The following SLC5A9 variants were observed in gnomAD, a reference collection of about 807,000 sequenced individuals.
SLC5A9 encodes solute carrier family 5 member 9.
In SLC5A9, 59 loss-of-function variants were observed where a neutral mutation model predicts 70.9. That is an observed-to-expected ratio of 0.83 (90% confidence interval 0.68 to 1.03). The LOEUF (loss-of-function observed/expected upper bound fraction) is 1.03. Among genes scored for constraint, SLC5A9 ranks in the 50% least tolerant of loss-of-function variants. The probability of loss-of-function intolerance (pLI) is 0.00; values close to 1 mark genes in which losing one functional copy is unlikely to be tolerated. For synonymous variants in SLC5A9, 340 were observed against 346.5 expected, an observed-to-expected ratio of 0.98 and a Z score of 0.21; for missense variants, 832 against 881.1, an observed-to-expected ratio of 0.94 and a Z score of 0.71.
chr1:48,248,165 G>C lies in SLC5A9; in HGVS notation c.*622G>C, dbSNP rs1308164448. On this transcript the variant is annotated 3_prime_UTR_variant, in exon 14 of 14. Coordinates refer to ENST00000438567, the MANE Select transcript of SLC5A9 (RefSeq NM_001011547.3). ...TGGTATTTTGGGCAGAAAGCTCTTA[G>C]ACAATGGACTATCCAAAGCACTATT... is the stretch of plus-strand genomic sequence containing the variant. The C allele has an allele frequency of 2.6e-5, 4 of 156,130 alleles. No individual in the cohort carries two copies. The highest frequency in any genetic ancestry group is 6.2e-5 in the Admixed American group (1 of 16,254). 9.7% of individuals were successfully genotyped at this position (156,130 alleles called of 1,614,324 possible).
At chr1:48,246,886 G>A (rs1569876520) in intron 13 of SLC5A9, among the ~76,000 whole-genome samples, 1 of 152,244 alleles carries the variant, frequency 6.6e-6, no homozygotes, top group Non-Finnish European at 1.5e-5. Context: ...CCTGGAACCA[G>A]GTTTCTGGCT....
At chr1:48,245,077 TTATA>T (rs56697202) in intron 13 of SLC5A9, among the ~76,000 whole-genome samples, 1 of 140,444 alleles carries the variant, frequency 7.1e-6, no homozygotes, top group Non-Finnish European at 1.5e-5. Flanking sequence ...CCTGAGACTT[TTATA>T]TATATATATA....
intron 13 of SLC5A9, among the ~76,000 whole-genome samples, chr1:48,244,459 C>T (rs1327451049): frequency 6.6e-6 from 1 of 151,984 alleles, no homozygotes; most frequent in Non-Finnish European, 1.5e-5. Flanking sequence ...AGCCACTTGC[C>T]TAGAGCTAAT....
chr1:48,226,784 A>C (rs575763474), intron 2 of SLC5A9, among the ~76,000 whole-genome samples: 82 of 152,050 alleles, frequency 5.4e-4, no homozygotes, highest in African/African-American at 1.9e-3. Context: ...TGAGGTTAAA[A>C]ACCCTGGGCT....
Position 48,247,396 on chromosome 1 carries a change from GGAGCAGGCCCT to G in SLC5A9, c.1904_1914del (p.Gln635ProfsTer15). The G allele has an allele frequency of 1.2e-6, 2 of 1,614,016 alleles. No individual in the cohort carries two copies. Among genetic ancestry groups the G allele is most frequent in the Non-Finnish European group, 1.7e-6 (2 of 1,180,008 alleles). On this transcript the variant is annotated frameshift_variant, in exon 14 of 14. Coordinates refer to ENST00000438567, the MANE Select transcript of SLC5A9 (RefSeq NM_001011547.3). LOFTEE classifies it low-confidence loss of function (END_TRUNC). ...GGTTCTGTGGGCTCTCTGGAACACC[GGAGCAGGCCCT>G]GAGCCCAGCAGAGAAGGCTGCGCTA...
intron 5 of SLC5A9, 47 bp downstream of exon 5, chr1:48,230,752 AC>A: frequency 1.4e-6 from 2 of 1,413,594 alleles, no homozygotes; most frequent in Non-Finnish European, 2.0e-6. Context: ...ACTGGCAGAG[AC>A]CCAGAGAGAA....
rs1351945563 is a variant in SLC5A9, at chr1:48,239,954, A to C, written c.1677+417A>C. 6.6e-6 allele frequency among the ~76,000 whole-genome samples: 1 copy of C among 152,202 alleles called. No individual in the cohort carries two copies. Among genetic ancestry groups the C allele is most frequent in the African/African-American group, 2.4e-5 (1 of 41,452 alleles). On this transcript the variant is annotated intron_variant, in intron 12 of 13. Coordinates refer to ENST00000438567, the MANE Select transcript of SLC5A9 (RefSeq NM_001011547.3). This position sits in a 1 kb window ranked among gnomAD's most constrained non-coding sequence, Gnocchi z 4.2. ...CACTGATGAGGACACTTTGAATTAG[A>C]CCCTGAAGAATGAATAGAGAATTTT...
chr1:48,223,183 G>T (rs991420711), intron 1 of SLC5A9, among the ~76,000 whole-genome samples: 9 of 152,008 alleles, frequency 5.9e-5, no homozygotes, highest in Non-Finnish European at 8.8e-5. Flanking sequence ...AACCATCCCT[G>T]GTTGCCCTGA....
chr1:48,231,849 G>A (rs566215874), intron 6 of SLC5A9, 97 bp from the exon 7 acceptor site: 1 of 1,576,080 alleles, frequency 6.3e-7, no homozygotes, highest in African/African-American at 1.3e-5. Flanking sequence ...CCCCATGCCA[G>A]TTCCAACCTG....
chr1:48,245,979 A>G (rs917844899), intron 13 of SLC5A9, among the ~76,000 whole-genome samples: 16 of 150,712 alleles, frequency 1.1e-4, no homozygotes, highest in African/African-American at 3.9e-4. Context: ...TATATAATAT[A>G]TAAAATATAT....
intron 10 of SLC5A9, among the ~76,000 whole-genome samples, chr1:48,236,084 T>A (rs17104299): frequency 6.6e-6 from 1 of 152,080 alleles, no homozygotes; most frequent in Non-Finnish European, 1.5e-5. Flanking sequence ...AAAAAACACC[T>A]CTTCCCTGGT....
intron 13 of SLC5A9, among the ~76,000 whole-genome samples, chr1:48,243,379 C>A (rs963563549): frequency 6.6e-6 from 1 of 152,084 alleles, no homozygotes; most frequent in Admixed American, 6.6e-5. Flanking sequence ...ATGGAGTGCA[C>A]CCCTGGAGGT....
At chr1:48,224,580 C>T (rs987040608) in intron 1 of SLC5A9, 144 bp from the exon 2 acceptor site, 1 of 727,910 alleles carries the variant, frequency 1.4e-6, no homozygotes, top group Non-Finnish European at 2.4e-6. Context: ...TGGAACCAGC[C>T]TCAGGCAGCT....
rs759232156 is a variant in SLC5A9 at position 48,232,348 on chromosome 1, T to C, written c.898-19T>C. ...CTCTCCTCTACCTGCGCTGCACTCC[T>C]CATTTGCTGCCCTTTCAGGTCATTG... On this transcript the variant is annotated intron_variant, in intron 7 of 13. Coordinates refer to ENST00000438567, the MANE Select transcript of SLC5A9 (RefSeq NM_001011547.3). The C allele has an allele frequency of 1.8e-5, 29 of 1,613,550 alleles. No individual in the cohort carries two copies. Among genetic ancestry groups the C allele is most frequent in the Non-Finnish European group, 2.2e-5 (26 of 1,179,884 alleles).
In SLC5A9 at chr1:48,227,122, AGTGT is replaced by A. The variant is rs201991340; in HGVS notation, c.235-1727_235-1724del. Reference sequence around the variant, plus strand: ...ATATGAGGACATGTGCATGTGTGTGAGTGTATGTGTGCGACGGTGCAAGTGCATG... The same window carrying A: ...ATATGAGGACATGTGCATGTGTGTGAATGTGTGCGACGGTGCAAGTGCATG... On this transcript the variant is annotated intron_variant, in intron 2 of 13. Transcript: ENST00000438567. Among the ~76,000 whole-genome samples, 2,307 of 147,104 alleles carry A rather than the reference AGTGT, an allele frequency of 0.016. 115 individuals carry two copies. In the East Asian group the frequency reaches 0.17, roughly 11 times the overall value.
intron 1 of SLC5A9, among the ~76,000 whole-genome samples, chr1:48,224,395 T>C (rs1644114081): frequency 6.6e-6 from 1 of 152,034 alleles, no homozygotes; most frequent in African/African-American, 2.4e-5. Context: ...TGATAACAAA[T>C]CATACTCTGA....
At chr1:48,224,877 T>G in intron 2 of SLC5A9, 82 bp downstream of exon 2, 1 of 1,344,840 alleles carries the variant, frequency 7.4e-7, no homozygotes. Flanking sequence ...TTGTCCCATC[T>G]TCTCACACCT....
rs1557486075 is a variant in SLC5A9, at chr1:48,244,824, T to TTG, written c.1837+2209_1837+2210insGT. ...ATATTATATATAAATTATATTTATA[T>TTG]TATATATATAAATTATATATATAAA... is the stretch of plus-strand genomic sequence containing the variant. On this transcript the variant is annotated intron_variant, in intron 13 of 13. Transcript: ENST00000438567. Among the ~76,000 whole-genome samples, 6 of 75,820 alleles carry TTG rather than the reference T, an allele frequency of 7.9e-5. No homozygotes were observed. In the East Asian group the frequency reaches 1.3e-3, roughly 16 times the overall value. 49.7% of individuals were successfully genotyped at this position (75,820 alleles called of 152,430 possible).
intron 13 of SLC5A9, among the ~76,000 whole-genome samples, chr1:48,243,487 G>A (rs919185574): frequency 1.3e-5 from 2 of 152,184 alleles, no homozygotes; most frequent in Non-Finnish European, 2.9e-5. Flanking sequence ...TGAGGTACCT[G>A]TGTTAGTCAC....
Sources: allele counts gnomAD v4.1 joint callset (sites outside exome capture counted in the v4.1 genomes callset), GRCh38; gene constraint gnomAD v4.1.1; non-coding constraint Gnocchi (gnomAD v3.1); transcripts MANE v1.5; gene names NCBI Gene and HGNC (gene_info 2026-07-23, HGNC 2026-07-21).